Variants in LRRC61 observed in about 807,000 individuals in gnomAD.
LRRC61 encodes the protein leucine-rich repeat-containing protein 61.
A neutral mutation model predicts 15.1 loss-of-function variants in LRRC61; 9 were observed. That is an observed-to-expected ratio of 0.60 (90% CI 0.36 to 1.04). The LOEUF is 1.04. LRRC61 is among the 50% of genes least tolerant of loss of function. The pLI is 0.01. For synonymous variants in LRRC61, 173 were observed against 158.6 expected (o/e 1.09, Z -0.68); for missense variants, 344 against 335.6 (o/e 1.03, Z -0.20).
chr7:150,337,140 G>A lies in LRRC61; in HGVS notation c.279G>A (p.Leu93=), dbSNP rs371487497. Residue 93 remains leucine (L), a synonymous_variant, in exon 3 of 3, where the codon CTG becomes CTA. Transcript: ENST00000359623. ...ATCGGCTGACGGGCCTGGAGCCACTGGCCACCTGTGAGAACTTGCAGAGTC... is the reference window on the plus strand; with the variant it reads ...ATCGGCTGACGGGCCTGGAGCCACTAGCCACCTGTGAGAACTTGCAGAGTC... The part of the protein sequence containing the change: ...SNNRLTGLEP[L]ATCENLQSLN... The A allele has an allele frequency of 3.7e-6, 6 of 1,611,630 alleles. No individual in the cohort carries two copies. In the African/African-American group the frequency reaches 6.7e-5, roughly 18 times the overall value.
At position 150,330,842 on chromosome 7, in the gene LRRC61, C is replaced by G; in HGVS notation, c.-145+4832C>G. 6.2e-7 allele frequency: 1 copy of G among 1,608,408 alleles called. No individual in the cohort carries two copies. The highest frequency in any genetic ancestry group is 8.5e-7 in the Non-Finnish European group (1 of 1,176,642). ...AGAGCTCCGGGGTGGAGGGGAGAAG[C>G]CAGGGGGAGCCTCTGCAGAGCAGCA... On this transcript the variant is annotated intron_variant, in intron 2 of 2. Transcript: ENST00000359623. The surrounding 1 kb of genome is among the most constrained non-coding windows in gnomAD (Gnocchi z 4.6).
chr7:150,336,696 C>T, intron 2 of LRRC61, 22 bp from the exon 3 acceptor site: 1 of 862,108 alleles, frequency 1.2e-6, no homozygotes, highest in Admixed American at 2.6e-5. Context: ...GTGCTGCCTG[C>T]TGACTGACTG....
Position 150,337,215 on chromosome 7 carries a change from G to T in LRRC61, c.354G>T (p.Leu118=), listed in dbSNP as rs749840423. 1.9e-5 allele frequency: 31 copies of T among 1,605,566 alleles called. No individual in the cohort carries two copies. In the South Asian group the frequency reaches 3.4e-4, roughly 18 times the overall value. Residue 118 remains leucine (L), a synonymous_variant, in exon 3 of 3, where the codon CTG becomes CTT. Transcript: ENST00000359623. ...LLATPGQLQC[L]AGLPCLEYLR... ...CCACCCCGGGCCAGCTGCAGTGTCTGGCTGGGCTACCGTGCCTGGAGTACC... is the reference window on the plus strand; with the variant it reads ...CCACCCCGGGCCAGCTGCAGTGTCTTGCTGGGCTACCGTGCCTGGAGTACC...
chr7:150,337,190 C>A lies in LRRC61; in HGVS notation c.329C>A (p.Ala110Asp), dbSNP rs757569479. Residue 110 changes from alanine (A) to aspartate (D), a missense_variant, in exon 3 of 3, where the codon GCC becomes GAC. By Grantham distance (126) the Ala-to-Asp change is moderately radical (BLOSUM62 -2). Coordinates refer to ENST00000359623, the MANE Select transcript of LRRC61 (RefSeq NM_001142928.2). ...QSLNAAGNLL[A>D]TPGQLQCLAG... is the part of the protein sequence containing the mutation. ...CTCAATGCCGCAGGCAACCTACTGG[C>A]CACCCCGGGCCAGCTGCAGTGTCTG... 18 of 1,607,030 alleles carry A rather than the reference C, an allele frequency of 1.1e-5. 1 individual carries two copies. The Middle Eastern group carries it at 8.2e-4, about 73-fold the overall frequency.
rs1205211206 is a variant in LRRC61, at chr7:150,335,839, C to T, written c.-144-879C>T. Among the ~76,000 whole-genome samples, 1 of 152,238 alleles carries T rather than the reference C, an allele frequency of 6.6e-6. No individual in the cohort carries two copies. Among genetic ancestry groups the T allele is most frequent in the Non-Finnish European group, 1.5e-5 (1 of 68,040 alleles). ...GTCATGCGCTGGCACCTGGACTCAC[C>T]TGGTCCTGCAGCCCCTGGCAATTTG... On this transcript the variant is annotated intron_variant, in intron 2 of 2. Coordinates refer to ENST00000359623, the MANE Select transcript of LRRC61 (RefSeq NM_001142928.2). This position sits in a 1 kb window ranked among gnomAD's most constrained non-coding sequence, Gnocchi z 4.3.
chr7:150,314,123 C>T, the LRRC61 span, among the ~76,000 whole-genome samples: 1 of 152,150 alleles, frequency 6.6e-6, no homozygotes, highest in African/African-American at 2.4e-5. Flanking sequence ...TGGCAGCTTG[C>T]TCATGTGGCA....
upstream of LRRC61, among the ~76,000 whole-genome samples, chr7:150,322,299 AG>A (rs1315690542): frequency 1.3e-5 from 2 of 152,254 alleles, no homozygotes; most frequent in Non-Finnish European, 1.5e-5. Context: ...AGGCATTCTA[AG>A]TCACAGGATG....
upstream of LRRC61, chr7:150,322,525 C>T (rs1296065981): frequency 6.6e-6 from 1 of 152,250 alleles, no homozygotes; most frequent in Non-Finnish European, 1.5e-5. Flanking sequence ...CGCCATGACA[C>T]CATCATGAAA....
chr7:150,311,470 C>T, the LRRC61 span, among the ~76,000 whole-genome samples: 2 of 152,276 alleles, frequency 1.3e-5, no homozygotes, highest in East Asian at 1.9e-4. Context: ...TTAATGTCCT[C>T]CTCACACCTT....
At chr7:150,326,183 C>T (rs1797959786) in intron 2 of LRRC61, among the ~76,000 whole-genome samples, 173 bp downstream of exon 2, 1 of 152,206 alleles carries the variant, frequency 6.6e-6, no homozygotes, top group Admixed American at 6.5e-5. Context: ...CATCCTGAGC[C>T]CCAAGTGCCA....
the LRRC61 span, among the ~76,000 whole-genome samples, chr7:150,316,100 G>C: frequency 4.1e-4 from 62 of 152,180 alleles, no homozygotes; most frequent in Non-Finnish European, 8.2e-4. Flanking sequence ...AGGAGGCTAA[G>C]GCAGGATAAT....
intron 2 of LRRC61, 33 bp from the exon 3 acceptor site, chr7:150,336,685 A>C: frequency 1.3e-6 from 1 of 774,250 alleles, no homozygotes; most frequent in Non-Finnish European, 2.0e-6. Context: ...AGACACAGAA[A>C]GTGCTGCCTG....
chr7:150,334,338 G>A (rs1055801560), intron 2 of LRRC61, among the ~76,000 whole-genome samples: 9 of 152,040 alleles, frequency 5.9e-5, no homozygotes, highest in Admixed American at 2.0e-4. Flanking sequence ...AAAGCCTTCC[G>A]TGTTCTCCTC....
upstream of LRRC61, among the ~76,000 whole-genome samples, chr7:150,321,829 C>G (rs1329345837): frequency 6.6e-6 from 1 of 152,182 alleles, no homozygotes. Flanking sequence ...GTAGCCCAAG[C>G]TGGAGAACTA....
At chr7:150,316,061 G>A in the LRRC61 span, among the ~76,000 whole-genome samples, 4 of 152,160 alleles carry the variant, frequency 2.6e-5, no homozygotes, top group South Asian at 4.1e-4. Flanking sequence ...GCTGGGCATC[G>A]TGGCACATGC....
chr7:150,330,466 G>T lies in LRRC61; in HGVS notation c.-145+4456G>T, dbSNP rs770853622. The T allele has an allele frequency of 2.6e-6, 2 of 779,196 alleles. No individual in the cohort carries two copies. Among genetic ancestry groups the T allele is most frequent in the Non-Finnish European group, 2.4e-6 (1 of 418,142 alleles). 48.3% of individuals were successfully genotyped at this position (779,196 alleles called of 1,614,324 possible). ...CTGAGCCAGGTGCTGCCCCAGCTGC[G>T]CTACCTGCACATCTTCCTGGAGCAG... On this transcript the variant is annotated intron_variant, in intron 2 of 2. Coordinates refer to ENST00000359623, the MANE Select transcript of LRRC61 (RefSeq NM_001142928.2). This position sits in a 1 kb window ranked among gnomAD's most constrained non-coding sequence, Gnocchi z 4.6.
chr7:150,332,909 G>T (rs992167199), intron 2 of LRRC61, among the ~76,000 whole-genome samples: 2 of 152,142 alleles, frequency 1.3e-5, no homozygotes, highest in Non-Finnish European at 2.9e-5. Context: ...GAGGGGCAGG[G>T]CTTGCTGGAT....
At chr7:150,318,622 C>T (rs541241787), upstream of LRRC61, among the ~76,000 whole-genome samples, 1 of 152,166 alleles carries the variant, frequency 6.6e-6, no homozygotes, top group Non-Finnish European at 1.5e-5. Context: ...ATTAGCCAGG[C>T]GTGGTGGTGC....
At chr7:150,331,731 T>C (rs897035194) in intron 2 of LRRC61, 1 of 167,220 alleles carries the variant, frequency 6.0e-6, no homozygotes, top group Non-Finnish European at 1.5e-5. Context: ...GCCAAGGATG[T>C]GGAGTGGGCA....
Sources: allele counts gnomAD v4.1 joint callset (sites outside exome capture counted in the v4.1 genomes callset), GRCh38; gene constraint gnomAD v4.1.1; non-coding constraint Gnocchi (gnomAD v3.1); transcripts MANE v1.5; gene names NCBI Gene and HGNC (gene_info 2026-07-23, HGNC 2026-07-21).